PDE4D: variants seen among roughly 807,000 people sequenced by gnomAD.
PDE4D encodes the protein 3',5'-cyclic-AMP phosphodiesterase 4D.
PDE4D carries 24 observed loss-of-function variants against 87.4 expected under a neutral mutation model. That is an observed-to-expected ratio of 0.27 (90% confidence interval 0.20 to 0.39). The LOEUF (loss-of-function observed/expected upper bound fraction) is 0.39. Ranked by LOEUF, PDE4D falls within the 10% of genes least tolerant of loss-of-function variation. The probability of loss-of-function intolerance (pLI) is 1.00; values close to 1 mark genes in which losing one functional copy is unlikely to be tolerated. For synonymous variants in PDE4D, 384 were observed against 383.2 expected, an observed-to-expected ratio of 1.00 and a Z score of -0.02; for missense variants, 714 against 1,041.0, an observed-to-expected ratio of 0.69 and a Z score of 4.32.
chr5:60,348,727 A>T lies in PDE4D; in HGVS notation c.-90+139215T>A, dbSNP rs1758940419. Among the ~76,000 whole-genome samples, 3 of 152,168 alleles carry T rather than the reference A, an allele frequency of 2.0e-5. No individual in the cohort carries two copies. In the South Asian group the frequency reaches 6.2e-4, roughly 32 times the overall value. ...ATTACAAAAATTATTTAAGGAATTG[A>T]TATTACTTTTATAACTGAACATATA... On this transcript the variant is annotated intron_variant, in intron 1 of 16. Coordinates refer to the PDE4D transcript ENST00000502484.
intron 1 of PDE4D, among the ~76,000 whole-genome samples, chr5:60,360,554 G>A (rs1221685571): frequency 6.6e-6 from 1 of 152,218 alleles, no homozygotes; most frequent in Non-Finnish European, 1.5e-5. Flanking sequence ...ACTGTGGTCA[G>A]CGAAGAAAAT....
At chr5:59,540,908 A>G (rs1423904110) in intron 1 of PDE4D, among the ~76,000 whole-genome samples, 1 of 152,096 alleles carries the variant, frequency 6.6e-6, no homozygotes, top group African/African-American at 2.4e-5. Flanking sequence ...TCCAGTCTTA[A>G]TTGGGGCTTG....
intron 1 of PDE4D, among the ~76,000 whole-genome samples, chr5:59,442,347 A>C (rs1797759036): frequency 6.6e-6 from 1 of 152,144 alleles, no homozygotes; most frequent in Admixed American, 6.5e-5. Flanking sequence ...ACAACATCCA[A>C]GTTTTCATAA....
intron 2 of PDE4D, among the ~76,000 whole-genome samples, chr5:60,171,486 T>C (rs578203188): frequency 1.3e-5 from 2 of 152,118 alleles, no homozygotes; most frequent in East Asian, 1.9e-4. Context: ...CTTAGAGAAA[T>C]GCATGGATCT....
At chr5:59,864,435 A>G (rs1746725280) in intron 1 of PDE4D, among the ~76,000 whole-genome samples, 1 of 152,216 alleles carries the variant, frequency 6.6e-6, no homozygotes, top group African/African-American at 2.4e-5. Flanking sequence ...CACCTGTCTG[A>G]TTAATCAACA....
At chr5:59,821,309 A>T (rs1454076653) in intron 1 of PDE4D, among the ~76,000 whole-genome samples, 2 of 152,220 alleles carry the variant, frequency 1.3e-5, no homozygotes, top group African/African-American at 4.8e-5. Context: ...GGATTTCACA[A>T]AAACAAATTT....
At chr5:60,113,905 G>A (rs1391858178) in intron 2 of PDE4D, among the ~76,000 whole-genome samples, 3 of 152,116 alleles carry the variant, frequency 2.0e-5, no homozygotes, top group Non-Finnish European at 2.9e-5. Context: ...CACAGCACCA[G>A]TAGTACCTCC....
intron 6 of PDE4D, among the ~76,000 whole-genome samples, chr5:59,036,625 G>A (rs1393131253): frequency 2.6e-5 from 4 of 152,144 alleles, no homozygotes; most frequent in Admixed American, 2.6e-4. Flanking sequence ...ACAACCTTTA[G>A]CAAGAGCTTT....
intron 5 of PDE4D, chr5:59,063,380 T>A (rs982264558): frequency 6.6e-6 from 1 of 152,234 alleles, no homozygotes; most frequent in Non-Finnish European, 1.5e-5. Flanking sequence ...AGATTTCACT[T>A]TTATTGGCCA....
chr5:60,084,399 TGTGTGTGCGCGCGC>T (rs1165215700), intron 2 of PDE4D, among the ~76,000 whole-genome samples: 1 of 151,908 alleles, frequency 6.6e-6, no homozygotes, highest in Non-Finnish European at 1.5e-5. Context: ...CGTGTGTGTG[TGTGTGTGCGCGCGC>T]GCGTGTGCGC....
chr5:59,165,073 A>G (rs1295559212), intron 5 of PDE4D: 3 of 152,232 alleles, frequency 2.0e-5, no homozygotes, highest in Admixed American at 6.5e-5. Flanking sequence ...AGTATCATAA[A>G]AAGAAATTCA....
chr5:59,272,329 G>A (rs1411771140), intron 1 of PDE4D, among the ~76,000 whole-genome samples: 1 of 151,970 alleles, frequency 6.6e-6, no homozygotes. Flanking sequence ...CCTGGGAAAT[G>A]TTTATAAATG....
intron 1 of PDE4D, among the ~76,000 whole-genome samples, chr5:59,718,225 T>C (rs73758869): frequency 0.011 from 1,634 of 152,296 alleles, 23 homozygotes; most frequent in African/African-American, 0.038. Flanking sequence ...GAATACTTAT[T>C]TCGATCCAAT....
At chr5:59,583,826 G>A (rs949748513) in intron 1 of PDE4D, among the ~76,000 whole-genome samples, 6 of 152,164 alleles carry the variant, frequency 3.9e-5, no homozygotes, top group African/African-American at 1.2e-4. Flanking sequence ...CTGTGTCTCA[G>A]CTTTTTCTCA....
intron 1 of PDE4D, chr5:60,431,119 C>G: frequency 4.6e-6 from 1 of 219,178 alleles, no homozygotes; most frequent in South Asian, 5.2e-5. Context: ...GTAGGGGCGG[C>G]CGGGCAGAGG....
At chr5:59,769,585 AT>A (rs1263219504) in intron 1 of PDE4D, among the ~76,000 whole-genome samples, 1 of 152,216 alleles carries the variant, frequency 6.6e-6, no homozygotes, top group African/African-American at 2.4e-5. Flanking sequence ...TAATTTTGCA[AT>A]TGGAAAAAAA....
At chr5:59,865,674 A>G (rs1746909281) in intron 1 of PDE4D, among the ~76,000 whole-genome samples, 1 of 152,210 alleles carries the variant, frequency 6.6e-6, no homozygotes, top group African/African-American at 2.4e-5. Flanking sequence ...TAGTAATTTC[A>G]CTTTCCTTTT....
chr5:59,169,356 G>A (rs1230035342), intron 5 of PDE4D, among the ~76,000 whole-genome samples: 3 of 151,562 alleles, frequency 2.0e-5, no homozygotes, highest in Non-Finnish European at 2.9e-5. Context: ...AAGGAGACTT[G>A]GTACTGTGTC....
At chr5:59,271,291 A>G (rs1461656427) in intron 1 of PDE4D, among the ~76,000 whole-genome samples, 1 of 152,172 alleles carries the variant, frequency 6.6e-6, no homozygotes. Flanking sequence ...TGCCTGCCTC[A>G]GCCTCCTAAA....
Sources: allele counts gnomAD v4.1 joint callset (sites outside exome capture counted in the v4.1 genomes callset), GRCh38; gene constraint gnomAD v4.1.1; transcripts MANE v1.5; gene names NCBI Gene and HGNC (gene_info 2026-07-23, HGNC 2026-07-21).